Variants in DYNC2H1 observed in about 807,000 individuals in gnomAD.
DYNC2H1 encodes the protein cytoplasmic dynein 2 heavy chain 1.
A neutral mutation model predicts 570.0 loss-of-function variants in DYNC2H1; 410 were observed. The observed-to-expected ratio is 0.72, with a 90% confidence interval of 0.66 to 0.78. The LOEUF (loss-of-function observed/expected upper bound fraction) is 0.78. DYNC2H1 is among the 30% of genes least tolerant of loss of function. The pLI is 0.00. For missense variants in DYNC2H1, 4,865 were observed against 5,046.4 expected (o/e 0.96, Z 1.09); for synonymous variants, 1,688 against 1,677.6 (o/e 1.01, Z -0.15).
intron 83 of DYNC2H1, among the ~76,000 whole-genome samples, chr11:103,399,398 CA>C (rs1286513447): frequency 4.6e-5 from 7 of 150,774 alleles, no homozygotes; most frequent in African/African-American, 7.4e-5. Context: ...TCAAATGCTC[CA>C]CCTGCGTTGG....
rs115706166 is a variant in DYNC2H1, at chr11:103,250,257, G to T, written c.10043-3028G>T. On this transcript the variant is annotated intron_variant, in intron 65 of 88. Transcript: ENST00000375735. ...TTTGTAATGATGTTTCATTTTTCCT[G>T]ATATTGATAATTTTTATTATCTTTT... Among the ~76,000 whole-genome samples, 515 of 151,704 alleles carry T rather than the reference G, an allele frequency of 3.4e-3. 3 individuals are homozygous for T. Among genetic ancestry groups the T allele is most frequent in the African/African-American group, 0.012 (477 of 41,378 alleles).
At position 103,399,889 on chromosome 11, in the gene DYNC2H1, T is replaced by C. The variant is rs1212828222; in HGVS notation, c.12366+17T>C. 6.3e-7 allele frequency: 1 copy of C among 1,592,560 alleles called. No individual in the cohort carries two copies. Among genetic ancestry groups the C allele is most frequent in the South Asian group, 1.1e-5 (1 of 89,902 alleles). ...AACCAAAAGGTAAGCGAGTACTAAC[T>C]GTATGTATTTTTATTTCATTGTTAT... On this transcript the variant is annotated intron_variant, in intron 84 of 88. Coordinates refer to ENST00000375735, the MANE Select transcript of DYNC2H1 (RefSeq NM_001377.3).
intron 82 of DYNC2H1, among the ~76,000 whole-genome samples, chr11:103,346,214 A>C (rs1203428852): frequency 6.6e-6 from 1 of 152,246 alleles, no homozygotes; most frequent in African/African-American, 2.4e-5. Context: ...CATATTCAGC[A>C]GCTGTGGTTA....
chr11:103,352,713 G>C (rs1423620209), intron 82 of DYNC2H1, among the ~76,000 whole-genome samples: 4 of 152,146 alleles, frequency 2.6e-5, no homozygotes, highest in Non-Finnish European at 5.9e-5. Context: ...ATGTAAATTA[G>C]TTTGACCCTT....
Position 103,286,362 on chromosome 11 carries a change from A to G in DYNC2H1, c.10998A>G (p.Ala3666=), listed in dbSNP as rs758373368. 28 of 1,612,482 alleles carry G rather than the reference A, an allele frequency of 1.7e-5. No individual in the cohort carries two copies. Among genetic ancestry groups the G allele is most frequent in the Non-Finnish European group, 2.1e-5 (25 of 1,179,558 alleles). Residue 3666 remains alanine (A), a synonymous_variant, in exon 74 of 89, where the codon GCA becomes GCG. Coordinates refer to ENST00000375735, the MANE Select transcript of DYNC2H1 (RefSeq NM_001377.3). ...MCEQEFPSIL[A]KKVSLFQQIL... Reference sequence around the variant, plus strand: ...AGCAAGAGTTTCCATCTATCCTTGCAAAGAAAGTTTCCTTATTTCAGCAGG... The same window carrying G: ...AGCAAGAGTTTCCATCTATCCTTGCGAAGAAAGTTTCCTTATTTCAGCAGG...
Position 103,186,644 on chromosome 11 carries a change from A to C in DYNC2H1, c.6893+143A>C. On this transcript the variant is annotated intron_variant, in intron 42 of 88. Coordinates refer to ENST00000375735, the MANE Select transcript of DYNC2H1 (RefSeq NM_001377.3). The surrounding 1 kb of genome is among the most constrained non-coding windows in gnomAD (Gnocchi z 4.5). Reference sequence around the variant, plus strand: ...ATTCATTTTATTTTCATTACTTATAAAAATAAGAACTATGGGGAATAGTGT... The same window carrying C: ...ATTCATTTTATTTTCATTACTTATACAAATAAGAACTATGGGGAATAGTGT... 1 of 1,219,052 alleles carries C rather than the reference A, an allele frequency of 8.2e-7. No individual in the cohort carries two copies. Among genetic ancestry groups the C allele is most frequent in the Non-Finnish European group, 1.1e-6 (1 of 907,030 alleles). The allele number at this position is 1,219,052 out of a possible 1,614,324, so 75.5% of individuals were successfully genotyped here.
intron 30 of DYNC2H1, among the ~76,000 whole-genome samples, chr11:103,164,597 C>G (rs1312153008): frequency 1.3e-5 from 2 of 152,172 alleles, no homozygotes; most frequent in Non-Finnish European, 2.9e-5. Context: ...TTAATCTTTG[C>G]TAGTTATCCT....
intron 60 of DYNC2H1, among the ~76,000 whole-genome samples, chr11:103,233,504 A>G (rs1158497475): frequency 6.6e-6 from 1 of 151,880 alleles, no homozygotes; most frequent in African/African-American, 2.4e-5. Context: ...TGAATTTTGA[A>G]ATTTTATTTG....
chr11:103,409,085 A>AT (rs1356541329), intron 84 of DYNC2H1, among the ~76,000 whole-genome samples: 3 of 152,042 alleles, frequency 2.0e-5, no homozygotes, highest in Non-Finnish European at 4.4e-5. Context: ...GCTGTTGAAC[A>AT]TATGTCACTG....
At position 103,399,699 on chromosome 11, in the gene DYNC2H1, A is replaced by C; in HGVS notation, c.12193A>C (p.Asn4065His). 1 of 1,613,632 alleles carries C rather than the reference A, an allele frequency of 6.2e-7. No individual in the cohort carries two copies. The highest frequency in any genetic ancestry group is 1.1e-5 in the South Asian group (1 of 90,980). Reference protein sequence around the residue: ...NLIHQKVPPPNDRQGSPILSF... With the variant: ...NLIHQKVPPPHDRQGSPILSF... Reference sequence around the variant, plus strand: ...AATACATCAGAAAGTGCCTCCTCCTAACGATCGACAAGGATCTCCAATACT... The same window carrying C: ...AATACATCAGAAAGTGCCTCCTCCTCACGATCGACAAGGATCTCCAATACT... Residue 4065 changes from asparagine to histidine, a missense_variant, in exon 84 of 89, where the codon AAC becomes CAC. Around this residue, in one of 5 missense-constraint regions of DYNC2H1, gnomAD observed 2,401 missense variants for 2,454.6 expected, o/e 0.98. Transcript: ENST00000375735.
At chr11:103,390,246 A>C (rs7952672) in intron 83 of DYNC2H1, among the ~76,000 whole-genome samples, 1 of 151,618 alleles carries the variant, frequency 6.6e-6, no homozygotes, top group Admixed American at 6.6e-5. Context: ...CTTTACCATT[A>C]TGTAATGGCC....
At chr11:103,306,203 G>A (rs1418011809) in intron 77 of DYNC2H1, among the ~76,000 whole-genome samples, 3 of 152,176 alleles carry the variant, frequency 2.0e-5, no homozygotes, top group African/African-American at 4.8e-5. Flanking sequence ...GTGAGCCATC[G>A]CGCCTAGCCT....
chr11:103,163,019 CT>C lies in DYNC2H1; in HGVS notation c.4492-4del. 2 of 1,600,028 alleles carry C rather than the reference CT, an allele frequency of 1.2e-6. No individual in the cohort carries two copies. Among genetic ancestry groups the C allele is most frequent in the Non-Finnish European group, 1.7e-6 (2 of 1,172,410 alleles). ...TCTTGTTTATATTATTTTCCAATTT[CT>C]TTTTCAGACATGGTTGAATGATTTG... On this transcript the variant is annotated splice_polypyrimidine_tract_variant and splice_region_variant and intron_variant, in intron 29 of 88. Transcript: ENST00000375735. This position sits in a 1 kb window ranked among gnomAD's most constrained non-coding sequence, Gnocchi z 4.6.
chr11:103,321,799 G>C (rs1407671573), intron 81 of DYNC2H1, among the ~76,000 whole-genome samples: 2 of 152,142 alleles, frequency 1.3e-5, no homozygotes, highest in Non-Finnish European at 2.9e-5. Context: ...ATAGTAATAA[G>C]TATAGCCAAA....
chr11:103,421,259 G>A (rs575500278), intron 84 of DYNC2H1, among the ~76,000 whole-genome samples: 22 of 152,142 alleles, frequency 1.4e-4, no homozygotes, highest in African/African-American at 4.8e-4. Context: ...CCACACAATA[G>A]TGGGAGACTT....
intron 30 of DYNC2H1, among the ~76,000 whole-genome samples, chr11:103,164,192 A>G (rs553939407): frequency 5.0e-4 from 72 of 145,130 alleles, no homozygotes; most frequent in African/African-American, 1.8e-3. Flanking sequence ...CAAAAAGTCT[A>G]CAAAAGCAAT....
At chr11:103,321,282 T>C in intron 81 of DYNC2H1, 45 bp downstream of exon 81, 2 of 1,487,480 alleles carry the variant, frequency 1.3e-6, no homozygotes, top group Non-Finnish European at 1.8e-6. Flanking sequence ...GGTAGATACG[T>C]GAATCATTTC....
chr11:103,198,766 G>A (rs1220616032), intron 48 of DYNC2H1, among the ~76,000 whole-genome samples: 1 of 151,190 alleles, frequency 6.6e-6, no homozygotes, highest in Non-Finnish European at 1.5e-5. Context: ...GGTAGTCCCT[G>A]GCAGAGCATG....
chr11:103,477,535 T>C (rs1290961053), intron 88 of DYNC2H1, among the ~76,000 whole-genome samples: 2 of 152,088 alleles, frequency 1.3e-5, no homozygotes, highest in Non-Finnish European at 2.9e-5. Flanking sequence ...CATCCTAGAA[T>C]TAAAATTATC....
Sources: gnomAD v4.1 joint callset for allele counts (sites outside exome capture counted in the v4.1 genomes callset) on GRCh38, gnomAD v4.1.1 for gene constraint, gnomAD v4.1.1 regional missense constraint, Gnocchi (gnomAD v3.1) non-coding constraint, MANE v1.5 for transcripts, NCBI Gene and HGNC (gene_info 2026-07-23, HGNC 2026-07-21) for gene names.